GDAP1: variants seen among roughly 807,000 people sequenced by gnomAD.
GDAP1 encodes the protein ganglioside-induced differentiation-associated protein 1.
GDAP1 carries 34 observed loss-of-function variants against 40.1 expected under a neutral mutation model. That is an observed-to-expected ratio of 0.85 (90% CI 0.64 to 1.13). The LOEUF (loss-of-function observed/expected upper bound fraction) is 1.13. Among genes scored for constraint, GDAP1 ranks in the 50% most tolerant of loss-of-function variants. The pLI, the probability that GDAP1 is intolerant of heterozygous loss-of-function variation, is 0.00. For synonymous variants in GDAP1, 170 were observed against 157.4 expected, an observed-to-expected ratio of 1.08 and a Z score of -0.60; for missense variants, 374 against 433.7, an observed-to-expected ratio of 0.86 and a Z score of 1.22.
chr8:74,420,399 G>C (rs1354563311), intron 2 of GDAP1, among the ~76,000 whole-genome samples: 1 of 152,050 alleles, frequency 6.6e-6, no homozygotes, highest in East Asian at 1.9e-4. Flanking sequence ...CTACACTTAG[G>C]AAATGAAGGT....
chr8:74,487,504 T>C (rs1806790918), intron 2 of GDAP1, among the ~76,000 whole-genome samples: 1 of 152,048 alleles, frequency 6.6e-6, no homozygotes, highest in Admixed American at 6.6e-5. Context: ...ACATAGCAGG[T>C]GTCTGGCTTA....
chr8:74,425,326 G>A (rs1332931725), intron 2 of GDAP1, among the ~76,000 whole-genome samples: 1 of 152,124 alleles, frequency 6.6e-6, no homozygotes, highest in Non-Finnish European at 1.5e-5. Context: ...ATTAACCTTA[G>A]CCTTGTTTAA....
At chr8:74,444,606 A>G (rs921452021) in intron 2 of GDAP1, among the ~76,000 whole-genome samples, 1 of 152,214 alleles carries the variant, frequency 6.6e-6, no homozygotes, top group African/African-American at 2.4e-5. Context: ...AAGATCTGTA[A>G]AATTTCCAGT....
At chr8:74,470,885 TC>T (rs1806544186) in intron 2 of GDAP1, among the ~76,000 whole-genome samples, 2 of 152,236 alleles carry the variant, frequency 1.3e-5, no homozygotes, top group Admixed American at 6.5e-5. Flanking sequence ...GTAAAAGTGT[TC>T]CTGTTTCTCC....
At chr8:74,393,602 CT>C (rs1178318347) in intron 2 of GDAP1, among the ~76,000 whole-genome samples, 2 of 152,144 alleles carry the variant, frequency 1.3e-5, no homozygotes, top group African/African-American at 4.8e-5. Flanking sequence ...AAAGAAACTT[CT>C]GTGGACTAGG....
chr8:74,384,868 AGCT>A (rs1810003277), intron 2 of GDAP1, among the ~76,000 whole-genome samples: 1 of 152,208 alleles, frequency 6.6e-6, no homozygotes, highest in Admixed American at 6.6e-5. Flanking sequence ...TTTTATTTAT[AGCT>A]GAAGTCGCAA....
At chr8:74,436,214 C>G (rs902193646) in intron 2 of GDAP1, among the ~76,000 whole-genome samples, 1 of 152,118 alleles carries the variant, frequency 6.6e-6, no homozygotes, top group Non-Finnish European at 1.5e-5. Context: ...TGGCTCTGTC[C>G]ACACAGCCAA....
chr8:74,441,264 T>C (rs569340094), intron 2 of GDAP1, among the ~76,000 whole-genome samples: 27 of 152,306 alleles, frequency 1.8e-4, no homozygotes, highest in South Asian at 4.1e-4. Context: ...CTTTTGTTTA[T>C]GACTACTTTA....
At chr8:74,483,577 T>G (rs1459683603) in intron 2 of GDAP1, among the ~76,000 whole-genome samples, 2 of 152,134 alleles carry the variant, frequency 1.3e-5, no homozygotes, top group African/African-American at 4.8e-5. Flanking sequence ...TTTTATAGGG[T>G]TATATACATT....
At chr8:74,445,143 A>G (rs937835547) in intron 2 of GDAP1, among the ~76,000 whole-genome samples, 3 of 152,220 alleles carry the variant, frequency 2.0e-5, no homozygotes, top group Admixed American at 6.5e-5. Context: ...AGTTGGAAGG[A>G]CATCTAAAAG....
intron 2 of GDAP1, among the ~76,000 whole-genome samples, chr8:74,471,142 T>G (rs889570588): frequency 2.0e-5 from 3 of 152,296 alleles, no homozygotes; most frequent in Admixed American, 2.0e-4. Context: ...AGATTCTGGA[T>G]ATTAGCCCTT....
chr8:74,399,301 T>C (rs1224171656), intron 2 of GDAP1, among the ~76,000 whole-genome samples: 2 of 150,152 alleles, frequency 1.3e-5, no homozygotes, highest in Non-Finnish European at 2.9e-5. Flanking sequence ...TCAAGGGATT[T>C]ATCCATTTCT....
chr8:74,359,739 A>G (rs7846006), intron 2 of GDAP1, among the ~76,000 whole-genome samples: 71,447 of 152,086 alleles, frequency 0.47, 16,759 homozygotes, highest in Middle Eastern at 0.54. Flanking sequence ...AAAAGATGCA[A>G]TGAATTACAG....
At chr8:74,418,793 G>A (rs918120531) in intron 2 of GDAP1, among the ~76,000 whole-genome samples, 1 of 152,082 alleles carries the variant, frequency 6.6e-6, no homozygotes, top group South Asian at 2.1e-4. Flanking sequence ...TTCAGCAAAG[G>A]TCATGTATTT....
At chr8:74,354,214 T>G (rs907859800) in intron 2 of GDAP1, among the ~76,000 whole-genome samples, 1 of 152,224 alleles carries the variant, frequency 6.6e-6, no homozygotes, top group African/African-American at 2.4e-5. Context: ...TTATTTTAAA[T>G]GTTTGAATTG....
intron 2 of GDAP1, among the ~76,000 whole-genome samples, chr8:74,400,993 C>CA (rs1440708281): frequency 2.0e-5 from 3 of 149,588 alleles, no homozygotes; most frequent in African/African-American, 7.7e-5. Flanking sequence ...ACATTTTTTC[C>CA]TTCATTTCAA....
chr8:74,484,588 T>C (rs150154390), intron 2 of GDAP1, among the ~76,000 whole-genome samples: 17 of 152,256 alleles, frequency 1.1e-4, no homozygotes, highest in African/African-American at 3.9e-4. Context: ...AATCATCAAA[T>C]GGATGAATAT....
At chr8:74,406,760 G>A (rs2131551973) in intron 2 of GDAP1, among the ~76,000 whole-genome samples, 1 of 150,016 alleles carries the variant, frequency 6.7e-6, no homozygotes. Flanking sequence ...CATCTACCAT[G>A]GATTTCCATA....
At chr8:74,411,492 C>T (rs963090582) in intron 2 of GDAP1, among the ~76,000 whole-genome samples, 1 of 147,890 alleles carries the variant, frequency 6.8e-6, no homozygotes, top group Non-Finnish European at 1.5e-5. Flanking sequence ...CATGTAAATA[C>T]TACTAAACTA....
Sources: gnomAD v4.1 joint callset for allele counts (sites outside exome capture counted in the v4.1 genomes callset) on GRCh38, gnomAD v4.1.1 for gene constraint, MANE v1.5 for transcripts, NCBI Gene and HGNC (gene_info 2026-07-23, HGNC 2026-07-21) for gene names.